Variants in NBEA observed in about 807,000 individuals in gnomAD.
NBEA encodes the protein lysosomal-trafficking regulator 2.
A neutral mutation model predicts 343.4 loss-of-function variants in NBEA; 44 were observed. The observed-to-expected ratio is 0.13, with a 90% CI of 0.10 to 0.16. The LOEUF (loss-of-function observed/expected upper bound fraction) is 0.16. Among genes scored for constraint, NBEA ranks in the 10% least tolerant of loss-of-function variants. The pLI is 1.00. For synonymous variants in NBEA, 1,175 were observed against 1,238.7 expected (o/e 0.95, Z 1.08); for missense variants, 2,555 against 3,631.3 (o/e 0.70, Z 7.62).
chr13:35,026,651 G>A (rs1194365174), intron 1 of NBEA, among the ~76,000 whole-genome samples: 1 of 151,810 alleles, frequency 6.6e-6, no homozygotes, highest in African/African-American at 2.4e-5. Flanking sequence ...CTTTCAATTG[G>A]CCAGCTAGAT....
intron 41 of NBEA, among the ~76,000 whole-genome samples, chr13:35,508,885 T>C (rs2077168680): frequency 6.6e-6 from 1 of 152,094 alleles, no homozygotes; most frequent in African/African-American, 2.4e-5. Flanking sequence ...GAATGGCGGA[T>C]TGTTTGGAGA....
chr13:35,014,559 C>A (rs148855019), intron 1 of NBEA, among the ~76,000 whole-genome samples: 1 of 152,290 alleles, frequency 6.6e-6, no homozygotes, highest in South Asian at 2.1e-4. Flanking sequence ...ACCTAGCTCA[C>A]TAAACTAATG....
At chr13:35,183,825 A>C in intron 29 of NBEA, 151 bp from the exon 30 acceptor site, 1 of 542,248 alleles carries the variant, frequency 1.8e-6, no homozygotes, top group Non-Finnish European at 3.3e-6. Context: ...TCTTTCTCTT[A>C]ATACATAAAC....
At chr13:35,222,113 T>TA in intron 33 of NBEA, among the ~76,000 whole-genome samples, 1 of 152,088 alleles carries the variant, frequency 6.6e-6, no homozygotes, top group Admixed American at 6.6e-5. Context: ...TTAGATGGAG[T>TA]GTAAATGTTA....
rs559284160 is a variant in NBEA at position 35,232,388 on chromosome 13, G to A, written c.5649-104G>A. 140 of 788,946 alleles carry A rather than the reference G, an allele frequency of 1.8e-4. 3 individuals are homozygous for A. The South Asian group carries it at 2.7e-3, about 15-fold the overall frequency. The allele number at this position is 788,946 out of a possible 1,614,324, so 48.9% of individuals were successfully genotyped here. The stretch of plus-strand genomic sequence containing the variant: ...AAGCTTGTTATTATTCCATGGGCTA[G>A]AAAGGACATTTATGATTTTTAAATA... On this transcript the variant is annotated intron_variant, in intron 33 of 58. Transcript: ENST00000379939.
intron 44 of NBEA, among the ~76,000 whole-genome samples, chr13:35,559,428 T>A (rs936732071): frequency 6.6e-6 from 1 of 152,206 alleles, no homozygotes; most frequent in African/African-American, 2.4e-5. Context: ...ATTTGATTGA[T>A]TGAAACTTAA....
chr13:35,212,255 T>C (rs1218930922), intron 33 of NBEA, among the ~76,000 whole-genome samples: 1 of 152,216 alleles, frequency 6.6e-6, no homozygotes, highest in East Asian at 1.9e-4. Flanking sequence ...TAAATGTAAG[T>C]ACATCCTATG....
chr13:35,594,412 C>T (rs1419690657), intron 47 of NBEA, among the ~76,000 whole-genome samples: 2 of 151,954 alleles, frequency 1.3e-5, no homozygotes, highest in African/African-American at 4.8e-5. Flanking sequence ...AAGTTTTGTT[C>T]AGTATTTTTC....
intron 8 of NBEA, among the ~76,000 whole-genome samples, chr13:35,066,031 A>G (rs971729122): frequency 6.6e-6 from 1 of 151,936 alleles, no homozygotes; most frequent in Non-Finnish European, 1.5e-5. Context: ...GTGCAGTCCT[A>G]GCACACTGGA....
intron 1 of NBEA, among the ~76,000 whole-genome samples, chr13:35,009,684 A>G (rs1469982817): frequency 6.6e-6 from 1 of 152,108 alleles, no homozygotes; most frequent in African/African-American, 2.4e-5. Flanking sequence ...TCTGCTTAGC[A>G]CTCACATTGA....
chr13:35,059,596 AC>A (rs2063390277), intron 8 of NBEA, among the ~76,000 whole-genome samples: 1 of 151,878 alleles, frequency 6.6e-6, no homozygotes, highest in Admixed American at 6.6e-5. Flanking sequence ...CTGAAGGAGT[AC>A]TTGTCTTGTA....
rs5802754 is a variant in NBEA at position 35,200,458 on chromosome 13, CAA to C, written c.5366+4170_5366+4171del. On this transcript the variant is annotated intron_variant, in intron 31 of 58. Transcript: ENST00000379939. ...ATTCCCACTTAGTTTGAACAAAAGACAAAAAAAAAAAAAAATAGAGGGCAATG... is the reference window on the plus strand; with the variant it reads ...ATTCCCACTTAGTTTGAACAAAAGACAAAAAAAAAAAAATAGAGGGCAATG... Among the ~76,000 whole-genome samples, 318 of 137,146 alleles carry C rather than the reference CAA, an allele frequency of 2.3e-3. 3 individuals are homozygous for C. The highest frequency in any genetic ancestry group is 7.8e-3 in the African/African-American group (287 of 36,954). 90.0% of individuals were successfully genotyped at this position (137,146 alleles called of 152,430 possible).
At chr13:35,129,329 T>G (rs2067292597) in intron 17 of NBEA, among the ~76,000 whole-genome samples, 1 of 152,014 alleles carries the variant, frequency 6.6e-6, no homozygotes, top group Non-Finnish European at 1.5e-5. Context: ...ATTAAATATA[T>G]AGGTGTGCAC....
At position 35,017,746 on chromosome 13, in the gene NBEA, C is replaced by T. The variant is rs188112596; in HGVS notation, c.295-23187C>T. ...TTTGCAAATATTTTTCTTCAGGCTC[C>T]GGTTTGTCTTTCCATTTTCTTAATA... On this transcript the variant is annotated intron_variant, in intron 1 of 58. Transcript: ENST00000379939. 6.7e-3 allele frequency among the ~76,000 whole-genome samples: 1,017 copies of T among 152,062 alleles called. 6 individuals are homozygous for T. Among genetic ancestry groups the T allele is most frequent in the Non-Finnish European group, 9.1e-3 (618 of 67,948 alleles).
intron 1 of NBEA, among the ~76,000 whole-genome samples, chr13:35,030,804 T>G (rs1431755562): frequency 6.6e-6 from 1 of 151,718 alleles, no homozygotes; most frequent in African/African-American, 2.4e-5. Flanking sequence ...ATATTTTTAC[T>G]GCTTCCGGCA....
chr13:35,184,182 C>A, intron 30 of NBEA, 111 bp downstream of exon 30: 1 of 685,946 alleles, frequency 1.5e-6, no homozygotes, highest in East Asian at 3.1e-5. Context: ...CCTCAGGTTT[C>A]ATGGAGATAT....
intron 41 of NBEA, among the ~76,000 whole-genome samples, chr13:35,498,805 GC>G: frequency 6.6e-6 from 1 of 152,144 alleles, no homozygotes; most frequent in Non-Finnish European, 1.5e-5. Context: ...AATGTAATGT[GC>G]TAAATGCTCC....
chr13:35,469,716 C>T (rs1049287445), intron 40 of NBEA, among the ~76,000 whole-genome samples: 3 of 152,118 alleles, frequency 2.0e-5, no homozygotes, highest in Non-Finnish European at 4.4e-5. Flanking sequence ...ACTCACTACA[C>T]CAAGCAAAGT....
chr13:35,114,449 G>C (rs950529255), intron 13 of NBEA, among the ~76,000 whole-genome samples: 3 of 152,124 alleles, frequency 2.0e-5, no homozygotes, highest in African/African-American at 7.2e-5. Flanking sequence ...AACATTGCTA[G>C]TCATCTGTAA....
Sources: gnomAD v4.1 joint callset for allele counts (sites outside exome capture counted in the v4.1 genomes callset) on GRCh38, gnomAD v4.1.1 for gene constraint, MANE v1.5 for transcripts, NCBI Gene and HGNC (gene_info 2026-07-23, HGNC 2026-07-21) for gene names.